Variants in MLKL observed in about 807,000 individuals in gnomAD.
MLKL encodes mixed lineage kinase domain-like protein.
Under a neutral mutation model 56.5 loss-of-function variants are expected in MLKL, and 55 were observed. The ratio of observed to expected loss-of-function variants is 0.97; its 90% CI spans 0.78 to 1.22. MLKL has a LOEUF of 1.22. Ranked by LOEUF, MLKL falls within the 50% of genes most tolerant of loss-of-function variation. The pLI, the probability that MLKL is intolerant of heterozygous loss-of-function variation, is 0.00. For synonymous variants in MLKL, 251 were observed against 208.3 expected, an observed-to-expected ratio of 1.20 and a Z score of -1.76; for missense variants, 694 against 573.9, an observed-to-expected ratio of 1.21 and a Z score of -2.14.
chr16:74,674,911 T>G (rs969254656), intron 10 of MLKL, 49 bp downstream of exon 10: 3 of 1,579,876 alleles, frequency 1.9e-6, no homozygotes, highest in Middle Eastern at 1.7e-4. Flanking sequence ...CTTTCACAAG[T>G]GTGAAATAAT....
In MLKL at chr16:74,695,726, C is replaced by T. The variant is rs1438402885; in HGVS notation, c.32G>A (p.Gly11Asp). 22 of 1,606,854 alleles carry T rather than the reference C, an allele frequency of 1.4e-5. No homozygotes were observed. The highest frequency in any genetic ancestry group is 1.8e-5 in the Non-Finnish European group (21 of 1,176,882). Residue 11 changes from glycine (G) to aspartate (D), a missense_variant, in exon 2 of 11, where the codon GGC becomes GAC. Transcript: ENST00000308807. MENLKHIITL[G>D]QVIHKRCEEM... ...TTCACACCGTTTGTGGATGACCTGG[C>T]CAAGGGTGATAATATGCTTCAAATT...
chr16:74,690,704 C>T (rs777174613), intron 4 of MLKL, among the ~76,000 whole-genome samples: 1 of 140,946 alleles, frequency 7.1e-6, no homozygotes, highest in Non-Finnish European at 1.5e-5. Flanking sequence ...ATTGCTGGAG[C>T]CCAGGAGGTT....
At position 74,695,402 on chromosome 16, in the gene MLKL, T is replaced by A. The variant is rs1182504213; in HGVS notation, c.356A>T (p.Glu119Val). Residue 119 changes from glutamate to valine, a missense_variant, in exon 2 of 11, where the codon GAG becomes GTG. By Grantham distance (121) the Glu-to-Val change is moderately radical (BLOSUM62 -2). Coordinates refer to ENST00000308807, the MANE Select transcript of MLKL (RefSeq NM_152649.4). ...WKELSLLLQV[E>V]QRMPVSPISQ... Reference sequence around the variant, plus strand: ...TATGGGTGAAACAGGCATGCGTTGCTCAACCTGAAGTAACAGCGAGAGCTC... The same window carrying A: ...TATGGGTGAAACAGGCATGCGTTGCACAACCTGAAGTAACAGCGAGAGCTC... 1.2e-6 allele frequency: 2 copies of A among 1,614,214 alleles called. No homozygotes were observed.
chr16:74,678,973 G>T lies in MLKL; in HGVS notation c.964C>A (p.His322Asn). 2 of 1,613,830 alleles carry T rather than the reference G, an allele frequency of 1.2e-6. No individual in the cohort carries two copies. Among genetic ancestry groups the T allele is most frequent in the Non-Finnish European group, 1.7e-6 (2 of 1,179,848 alleles). The change falls in exon 7 of 11, where the codon CAT becomes AAT. Residue 322 changes from histidine (H) to asparagine (N), a missense_variant. Physicochemically the swap from His to Asn is moderately conservative, Grantham distance 68. Coordinates refer to ENST00000308807, the MANE Select transcript of MLKL (RefSeq NM_152649.4). ...GAARGLYRLH[H>N]SEAPELHGKI... Reference sequence around the variant, plus strand: ...CCGTGGAGTTCAGGTGCTTCTGAATGGTGTAGCCTGACACAGCCAAAGGCG... The same window carrying T: ...CCGTGGAGTTCAGGTGCTTCTGAATTGTGTAGCCTGACACAGCCAAAGGCG...
At chr16:74,680,803 C>A (rs1336177289) in intron 6 of MLKL, among the ~76,000 whole-genome samples, 1 of 152,126 alleles carries the variant, frequency 6.6e-6, no homozygotes, top group African/African-American at 2.4e-5. Flanking sequence ...CTGCGCCCAG[C>A]CTTGGTGTTG....
intron 4 of MLKL, among the ~76,000 whole-genome samples, chr16:74,688,707 C>A (rs1355368078): frequency 2.0e-5 from 3 of 151,940 alleles, no homozygotes; most frequent in Admixed American, 2.0e-4. Context: ...AGCAAGACTC[C>A]ATCTCAAACA....
intron 1 of MLKL, among the ~76,000 whole-genome samples, chr16:74,696,783 C>T (rs544314956): frequency 2.8e-4 from 42 of 151,242 alleles, no homozygotes; most frequent in African/African-American, 1.0e-3. Context: ...CATGGTGAAA[C>T]CCCGTCTCTA....
At position 74,697,003 on chromosome 16, in the gene MLKL, A is replaced by ATG. The variant is rs1160064311; in HGVS notation, c.-2-1245_-2-1244insCA. Reference sequence around the variant, plus strand: ...ATATTACATATATAGTAATACATATATATAATATTACATATATATAGTAAT... The same window carrying ATG: ...ATATTACATATATAGTAATACATATATGTATAATATTACATATATATAGTAAT... On this transcript the variant is annotated intron_variant, in intron 1 of 10. Transcript: ENST00000308807. 2.5e-4 allele frequency among the ~76,000 whole-genome samples: 36 copies of ATG among 146,610 alleles called. 1 individual carries two copies. Among genetic ancestry groups the ATG allele is most frequent in the Non-Finnish European group, 4.3e-4 (29 of 67,200 alleles).
chr16:74,676,295 G>C (rs776606462), intron 7 of MLKL: 1 of 986,442 alleles, frequency 1.0e-6, no homozygotes, highest in Non-Finnish European at 1.2e-6. Context: ...AGGCCTGCGC[G>C]GTCACCTGGT....
At position 74,695,382 on chromosome 16, in the gene MLKL, G is replaced by C. The variant is rs763113053; in HGVS notation, c.376C>G (p.Pro126Ala). ...GCCCAGGACGCTCCTTGGCTTATGG[G>C]TGAAACAGGCATGCGTTGCTCAACC... ...LQVEQRMPVS[P>A]ISQGASWAQE... The change falls in exon 2 of 11, where the codon CCC (proline) becomes GCC (alanine). Residue 126 changes from proline to alanine, a missense_variant. Physicochemically the swap from Pro to Ala is conservative, Grantham distance 27. Transcript: ENST00000308807. The C allele has an allele frequency of 2.5e-6, 4 of 1,614,180 alleles. No individual in the cohort carries two copies. The South Asian group carries it at 3.3e-5, about 13-fold the overall frequency.
At chr16:74,680,923 A>C (rs1185588604) in intron 6 of MLKL, among the ~76,000 whole-genome samples, 1 of 152,048 alleles carries the variant, frequency 6.6e-6, no homozygotes, top group East Asian at 1.9e-4. Context: ...ATTTAATTAC[A>C]TTGTTTTGGT....
At chr16:74,682,832 G>A (rs760619683) in intron 5 of MLKL, 46 bp from the exon 6 acceptor site, 7 of 1,607,064 alleles carry the variant, frequency 4.4e-6, no homozygotes, top group Non-Finnish European at 4.2e-6. Context: ...CCTACTTGAA[G>A]CTTCCCATGT....
At chr16:74,692,267 G>A (rs1379247639) in intron 3 of MLKL, 75 bp downstream of exon 3, 3 of 1,315,922 alleles carry the variant, frequency 2.3e-6, no homozygotes, top group Non-Finnish European at 3.3e-6. Flanking sequence ...GGGGTAGCGG[G>A]AGGCTGGGGT....
chr16:74,676,412 C>G, intron 7 of MLKL: 1 of 985,488 alleles, frequency 1.0e-6, no homozygotes. Context: ...CCAAACTCAG[C>G]CAGGTACCCA....
rs1457622808 is a variant in MLKL at position 74,675,699 on chromosome 16, T to C, written c.1104A>G (p.Thr368=). 1.2e-6 allele frequency: 2 copies of C among 1,614,198 alleles called. No homozygotes were observed. Among genetic ancestry groups the C allele is most frequent in the Non-Finnish European group, 1.7e-6 (2 of 1,180,028 alleles). Residue 368 remains threonine (T), a synonymous_variant, in exon 8 of 11, where the codon ACA becomes ACG. Transcript: ENST00000308807. ...SMSLGTTREK[T]DRVKSTAYLS... is the part of the protein sequence containing the mutation. ...GATATGCTGTAGATTTGACTCTGTC[T>C]GTCTTTTCTCTCGTAGTTCCCAAAC...
chr16:74,692,198 T>C, intron 3 of MLKL, 144 bp downstream of exon 3: 1 of 706,022 alleles, frequency 1.4e-6, no homozygotes, highest in Non-Finnish European at 2.4e-6. Flanking sequence ...TAGCCATGAA[T>C]GGATCCCCAA....
rs1234070750 is a variant in MLKL, at chr16:74,683,969, A to G, written c.821-1183T>C. Among the ~76,000 whole-genome samples, 4 of 152,006 alleles carry G rather than the reference A, an allele frequency of 2.6e-5. No homozygotes were observed. The East Asian group carries it at 7.7e-4, about 29-fold the overall frequency. On this transcript the variant is annotated intron_variant, in intron 5 of 10. Coordinates refer to ENST00000308807, the MANE Select transcript of MLKL (RefSeq NM_152649.4). Reference sequence around the variant, plus strand: ...TTTTTTATTTTTTAATTTTTTTGAGACAGAGTCTAGCTCTGTCACCCAGGC... The same window carrying G: ...TTTTTTATTTTTTAATTTTTTTGAGGCAGAGTCTAGCTCTGTCACCCAGGC...
intron 1 of MLKL, among the ~76,000 whole-genome samples, chr16:74,699,003 C>T (rs1330690944): frequency 6.6e-6 from 1 of 151,988 alleles, no homozygotes; most frequent in Non-Finnish European, 1.5e-5. Context: ...ATCCCAGCTA[C>T]TCGGGAGGCT....
At chr16:74,683,206 G>A (rs1960099054) in intron 5 of MLKL, among the ~76,000 whole-genome samples, 1 of 151,892 alleles carries the variant, frequency 6.6e-6, no homozygotes, top group African/African-American at 2.4e-5. Flanking sequence ...CTACTTGGGA[G>A]GCTGAGGCAG....
Sources: gnomAD v4.1 joint callset for allele counts (sites outside exome capture counted in the v4.1 genomes callset) on GRCh38, gnomAD v4.1.1 for gene constraint, MANE v1.5 for transcripts, NCBI Gene and HGNC (gene_info 2026-07-23, HGNC 2026-07-21) for gene names.